LTBP2: variants seen among roughly 807,000 people sequenced by gnomAD.
LTBP2 encodes the protein latent-transforming growth factor beta-binding protein 2.
LTBP2 carries 103 observed loss-of-function variants against 210.6 expected under a neutral mutation model. The observed-to-expected ratio is 0.49, with a 90% CI of 0.42 to 0.58. The LOEUF (loss-of-function observed/expected upper bound fraction) is 0.58. LTBP2 is among the 20% of genes least tolerant of loss of function. The pLI is 0.00. For synonymous variants in LTBP2, 1,007 were observed against 1,015.0 expected, an observed-to-expected ratio of 0.99 and a Z score of 0.15; for missense variants, 2,313 against 2,494.5, an observed-to-expected ratio of 0.93 and a Z score of 1.55.
At chr14:74,573,433 G>T (rs1219263588) in intron 3 of LTBP2, among the ~76,000 whole-genome samples, 1 of 152,226 alleles carries the variant, frequency 6.6e-6, no homozygotes, top group Non-Finnish European at 1.5e-5. Context: ...GTGGGGAACT[G>T]TGGCAGGAGG....
chr14:74,552,321 G>T lies in LTBP2; in HGVS notation c.1265C>A (p.Ser422Tyr). The T allele has an allele frequency of 6.2e-7, 1 of 1,612,832 alleles. No individual in the cohort carries two copies. Among genetic ancestry groups the T allele is most frequent in the Admixed American group, 1.7e-5 (1 of 60,026 alleles). ...AGGCAGGTGGCAGAACTTCCCGGTG[G>T]AGTTGGCGGGGCACCAGCATTCGTC... The part of the protein sequence containing the change: ...GRDECWCPAN[S>Y]TGKFCHLPIP... The change falls in exon 6 of 36, where the codon TCC becomes TAC. Residue 422 changes from serine (S) to tyrosine (Y), a missense_variant. Transcript: ENST00000261978.
chr14:74,509,658 G>A lies in LTBP2; in HGVS notation c.3277+76C>T, dbSNP rs2087043801. On this transcript the variant is annotated intron_variant, in intron 21 of 35. Transcript: ENST00000261978. ...CCCCTCGGCATCAGCCCCAAACTGG[G>A]GACAAATTGAGTGTTCTTTGGGAGG... The A allele has an allele frequency of 2.5e-6, 4 of 1,604,476 alleles. No homozygotes were observed. In the Admixed American group the frequency reaches 5.1e-5, roughly 20 times the overall value.
At chr14:74,606,160 A>T (rs1408165755) in intron 1 of LTBP2, among the ~76,000 whole-genome samples, 2 of 152,198 alleles carry the variant, frequency 1.3e-5, no homozygotes, top group African/African-American at 4.8e-5. Context: ...ACATTAGCCC[A>T]GTATCCAGCA....
chr14:74,564,927 T>C (rs2087882596), intron 3 of LTBP2, among the ~76,000 whole-genome samples: 1 of 152,202 alleles, frequency 6.6e-6, no homozygotes, highest in South Asian at 2.1e-4. Flanking sequence ...CCATTAATCG[T>C]TTCTTTATCG....
intron 17 of LTBP2, among the ~76,000 whole-genome samples, chr14:74,520,428 A>C (rs940384804): frequency 2.0e-5 from 3 of 152,216 alleles, no homozygotes; most frequent in African/African-American, 7.2e-5. Flanking sequence ...AAGGATTTCC[A>C]TAACATGGAG....
chr14:74,531,620 C>T lies in LTBP2; in HGVS notation c.1987+806G>A, dbSNP rs559814073. On this transcript the variant is annotated intron_variant, in intron 10 of 35. Coordinates refer to ENST00000261978, the MANE Select transcript of LTBP2 (RefSeq NM_000428.3). Reference sequence around the variant, plus strand: ...AGTCTTGTCCAATCCCATGGCCCTCCCAAACCCAGTACCAGAAAGTTTGCA... The same window carrying T: ...AGTCTTGTCCAATCCCATGGCCCTCTCAAACCCAGTACCAGAAAGTTTGCA... 7.9e-5 allele frequency among the ~76,000 whole-genome samples: 12 copies of T among 152,386 alleles called. No individual in the cohort carries two copies. In the East Asian group the frequency reaches 1.7e-3, roughly 22 times the overall value.
chr14:74,521,882 G>A (rs1429269077), intron 17 of LTBP2, 29 bp downstream of exon 17: 29 of 1,613,302 alleles, frequency 1.8e-5, no homozygotes, highest in African/African-American at 4.0e-5. Flanking sequence ...TGTGGGGCCT[G>A]GCCAAGGGCA....
Position 74,528,463 on chromosome 14 carries a change from A to G in LTBP2, c.2368+20T>C, listed in dbSNP as rs1324066535. ...TAGGGGAAAGGAAAATCCCTCAGGC[A>G]TCTCCCCCAGCTCAGATACCCTTGT... On this transcript the variant is annotated intron_variant, in intron 12 of 35. Coordinates refer to ENST00000261978, the MANE Select transcript of LTBP2 (RefSeq NM_000428.3). The G allele has an allele frequency of 8.7e-6, 14 of 1,611,418 alleles. No individual in the cohort carries two copies. The highest frequency in any genetic ancestry group is 1.2e-5 in the Non-Finnish European group (14 of 1,179,784).
At chr14:74,529,833 G>A (rs995142261) in intron 10 of LTBP2, among the ~76,000 whole-genome samples, 3 of 152,192 alleles carry the variant, frequency 2.0e-5, no homozygotes, top group East Asian at 1.9e-4. Context: ...AATGGAAGAC[G>A]AGGAGGCCAT....
chr14:74,582,203 C>G (rs2088145421), intron 3 of LTBP2, among the ~76,000 whole-genome samples: 1 of 151,658 alleles, frequency 6.6e-6, no homozygotes, highest in Non-Finnish European at 1.5e-5. Flanking sequence ...AGTGGAGGTC[C>G]CTCCCATTCT....
chr14:74,562,447 C>T (rs1433124957), intron 3 of LTBP2, among the ~76,000 whole-genome samples: 8 of 152,086 alleles, frequency 5.3e-5, no homozygotes, highest in African/African-American at 1.9e-4. Context: ...TCAAAAACCC[C>T]TGCTTGGCCA....
rs544855490 is a variant in LTBP2 at position 74,546,510 on chromosome 14, G to A, written c.1789+3353C>T. ...TTCATGTGTTTTTGATGTTTATGTT[G>A]CCCTGGTCTTTGTTATTTCTTGCTC... On this transcript the variant is annotated intron_variant, in intron 8 of 35. Transcript: ENST00000261978. 2.6e-4 allele frequency among the ~76,000 whole-genome samples: 39 copies of A among 152,294 alleles called. No individual in the cohort carries two copies. The South Asian group carries it at 7.9e-3, about 31-fold the overall frequency.
chr14:74,556,143 G>A (rs1287782277), intron 3 of LTBP2, among the ~76,000 whole-genome samples: 2 of 152,156 alleles, frequency 1.3e-5, no homozygotes, highest in East Asian at 3.8e-4. Flanking sequence ...TAGAAGAGGT[G>A]CCCAACAAAC....
rs1357318258 is a variant in LTBP2, at chr14:74,505,015, T to A, written c.4337A>T (p.Asp1446Val). Residue 1446 changes from aspartate to valine, a missense_variant, in exon 29 of 36, where the codon GAT becomes GTT. By Grantham distance (152) the Asp-to-Val change is radical. Coordinates refer to ENST00000261978, the MANE Select transcript of LTBP2 (RefSeq NM_000428.3). ...CCCTQGASWG[D>V]ACDLCPSEDS... ...CTCAGACGGGCAGAGGTCACAGGCA[T>A]CTCCCCAGCTAGCGCCCTGGGTGCA... 1.2e-6 allele frequency: 2 copies of A among 1,614,176 alleles called. No homozygotes were observed. The highest frequency in any genetic ancestry group is 1.7e-6 in the Non-Finnish European group (2 of 1,180,022).
intron 1 of LTBP2, among the ~76,000 whole-genome samples, chr14:74,605,666 G>T (rs1158610090): frequency 6.6e-6 from 1 of 152,206 alleles, no homozygotes; most frequent in East Asian, 1.9e-4. Context: ...CAGCACGGAC[G>T]CAGGAGCCTG....
intron 2 of LTBP2, among the ~76,000 whole-genome samples, chr14:74,598,452 G>A (rs1009082131): frequency 2.6e-5 from 4 of 152,200 alleles, no homozygotes; most frequent in Admixed American, 2.0e-4. Flanking sequence ...TCAGGCACAC[G>A]GCCGGGATAG....
intron 17 of LTBP2, among the ~76,000 whole-genome samples, chr14:74,519,296 C>T (rs984015542): frequency 1.3e-5 from 2 of 151,890 alleles, no homozygotes; most frequent in Non-Finnish European, 2.9e-5. Flanking sequence ...TTTCTAAACC[C>T]GGCCAAGAAT....
chr14:74,531,767 G>A lies in LTBP2; in HGVS notation c.1987+659C>T, dbSNP rs755326776. Reference sequence around the variant, plus strand: ...TTATTCAGCTCTGGTCAGGCCTCCCGGCCCAGGGAAAGCCCTATCTGGGCT... The same window carrying A: ...TTATTCAGCTCTGGTCAGGCCTCCCAGCCCAGGGAAAGCCCTATCTGGGCT... On this transcript the variant is annotated intron_variant, in intron 10 of 35. Transcript: ENST00000261978. Among the ~76,000 whole-genome samples the A allele has an allele frequency of 5.3e-5, 8 of 152,228 alleles. No individual in the cohort carries two copies. In the South Asian group the frequency reaches 6.2e-4, roughly 12 times the overall value.
rs116317911 is a variant in LTBP2 at position 74,506,892 on chromosome 14, T to C, written c.3908-69A>G. The C allele has an allele frequency of 1.6e-3, 1,957 of 1,190,684 alleles. 30 individuals carry two copies. The African/African-American group carries it at 0.028, about 17-fold the overall frequency. The allele number at this position is 1,190,684 out of a possible 1,614,324, so 73.8% of individuals were successfully genotyped here. A position where few individuals can be genotyped will look rare whatever the true frequency, so the allele number is the denominator to read the frequency against. Reference sequence around the variant, plus strand: ...GTGTGTGTGTGTGCGCGCGCGCGTGTGTGCTCACTCTCTCACACGCATGCA... The same window carrying C: ...GTGTGTGTGTGTGCGCGCGCGCGTGCGTGCTCACTCTCTCACACGCATGCA... On this transcript the variant is annotated intron_variant, in intron 26 of 35. Transcript: ENST00000261978.
Sources: gnomAD v4.1 joint callset for allele counts (sites outside exome capture counted in the v4.1 genomes callset) on GRCh38, gnomAD v4.1.1 for gene constraint, MANE v1.5 for transcripts, NCBI Gene and HGNC (gene_info 2026-07-23, HGNC 2026-07-21) for gene names.